FCHSD2: variants seen among roughly 807,000 people sequenced by gnomAD.
FCHSD2 encodes FCH and double SH3 domains 2.
In FCHSD2, 38 loss-of-function variants were observed where a neutral mutation model predicts 108.1. The ratio of observed to expected loss-of-function variants is 0.35; its 90% CI spans 0.27 to 0.46. The LOEUF (loss-of-function observed/expected upper bound fraction) is 0.46, where lower values mean the gene tolerates loss of function less well. Ranked by LOEUF, FCHSD2 falls within the 20% of genes least tolerant of loss-of-function variation. The pLI is 1.00. For synonymous variants in FCHSD2, 279 were observed against 314.7 expected (o/e 0.89, Z 1.20); for missense variants, 751 against 897.8 (o/e 0.84, Z 2.09).
At chr11:72,859,373 T>C (rs546777640) in intron 13 of FCHSD2, among the ~76,000 whole-genome samples, 6 of 152,342 alleles carry the variant, frequency 3.9e-5, no homozygotes, top group Admixed American at 3.9e-4. Context: ...GTTATCCCAA[T>C]TGACTGTCAC....
chr11:72,917,674 T>G (rs1855900782), intron 9 of FCHSD2, among the ~76,000 whole-genome samples: 1 of 152,174 alleles, frequency 6.6e-6, no homozygotes, highest in Non-Finnish European at 1.5e-5. Flanking sequence ...TCACTTGACG[T>G]CAGGAGTTCA....
Position 73,035,189 on chromosome 11 carries a change from TGTATGTATGTATGTAC to T in FCHSD2, c.166-19320_166-19305del, listed in dbSNP as rs753309940. 1.3e-3 allele frequency among the ~76,000 whole-genome samples: 180 copies of T among 142,288 alleles called. 1 individual carries two copies. The highest frequency in any genetic ancestry group is 2.4e-3 in the African/African-American group (92 of 38,466). The allele number at this position is 142,288 out of a possible 152,430, so 93.3% of individuals were successfully genotyped here. ...ATGTATGTATGTATGTATGTATGTA[TGTATGTATGTATGTAC>T]GTACTAAGACAAGGTCTCGCTCTGT... On this transcript the variant is annotated intron_variant, in intron 3 of 19. Coordinates refer to ENST00000409418, the MANE Select transcript of FCHSD2 (RefSeq NM_014824.3).
intron 5 of FCHSD2, among the ~76,000 whole-genome samples, chr11:72,996,977 G>A (rs1402951234): frequency 6.6e-6 from 1 of 152,180 alleles, no homozygotes; most frequent in East Asian, 1.9e-4. Flanking sequence ...ACGAGACTGG[G>A]GAGACAGAGG....
chr11:73,135,237 G>T (rs1861095269), intron 2 of FCHSD2, among the ~76,000 whole-genome samples: 1 of 152,178 alleles, frequency 6.6e-6, no homozygotes, highest in Non-Finnish European at 1.5e-5. Context: ...AAAAGCTTGG[G>T]AAACACAGAT....
rs1329779525 is a variant in FCHSD2, at chr11:73,099,172, G to A, written c.120-15432C>T. On this transcript the variant is annotated intron_variant, in intron 2 of 19. Coordinates refer to ENST00000409418, the MANE Select transcript of FCHSD2 (RefSeq NM_014824.3). Reference sequence around the variant, plus strand: ...CCAGGTTGCAGTAAGCTATGACTGTGCCACTGCACTCCAGCCTCAGCAATG... The same window carrying A: ...CCAGGTTGCAGTAAGCTATGACTGTACCACTGCACTCCAGCCTCAGCAATG... Among the ~76,000 whole-genome samples, 3 of 152,106 alleles carry A rather than the reference G, an allele frequency of 2.0e-5. 1 individual carries two copies. The highest frequency in any genetic ancestry group is 7.2e-5 in the African/African-American group (3 of 41,430).
At chr11:72,860,519 T>C (rs1027218269) in intron 13 of FCHSD2, among the ~76,000 whole-genome samples, 3 of 152,186 alleles carry the variant, frequency 2.0e-5, no homozygotes, top group African/African-American at 7.2e-5. Flanking sequence ...AACACACTTT[T>C]AATTACCCAT....
intron 2 of FCHSD2, among the ~76,000 whole-genome samples, chr11:73,124,192 T>C (rs1247132265): frequency 6.6e-6 from 1 of 152,006 alleles, no homozygotes; most frequent in Non-Finnish European, 1.5e-5. Context: ...TTCTCACTCA[T>C]GGATGGGAAT....
chr11:72,866,786 T>G (rs760363419), intron 13 of FCHSD2, among the ~76,000 whole-genome samples: 1 of 152,186 alleles, frequency 6.6e-6, no homozygotes, highest in Non-Finnish European at 1.5e-5. Flanking sequence ...TGTGAAAAAA[T>G]TGACAAAACT....
At chr11:72,889,143 A>T (rs1855261445) in intron 11 of FCHSD2, among the ~76,000 whole-genome samples, 1 of 151,684 alleles carries the variant, frequency 6.6e-6, no homozygotes, top group Non-Finnish European at 1.5e-5. Context: ...TTTAGTAGAG[A>T]TGGGGTTTCA....
chr11:73,094,124 T>A (rs897707935), intron 2 of FCHSD2, among the ~76,000 whole-genome samples: 6 of 151,818 alleles, frequency 4.0e-5, no homozygotes, highest in Non-Finnish European at 7.4e-5. Context: ...GGCAAGAGAA[T>A]CACTTGAACC....
At chr11:73,009,640 C>T (rs372996239) in intron 4 of FCHSD2, among the ~76,000 whole-genome samples, 138 of 152,076 alleles carry the variant, frequency 9.1e-4, no homozygotes, top group Middle Eastern at 3.4e-3. Context: ...ACTTCTCCTT[C>T]ATTTATGAAG....
chr11:73,001,221 A>C, intron 4 of FCHSD2, 87 bp from the exon 5 acceptor site: 4 of 1,079,672 alleles, frequency 3.7e-6, no homozygotes, highest in Non-Finnish European at 5.5e-6. Flanking sequence ...CAGCACTGAC[A>C]GAATAAATGA....
At position 72,984,069 on chromosome 11, in the gene FCHSD2, GA is replaced by G; in HGVS notation, c.705+18del. Reference sequence around the variant, plus strand: ...TTTTCAATGAAGTAAAATTACCATAGATATGAAAGCTGTATTACCTTCATAA... The same window carrying G: ...TTTTCAATGAAGTAAAATTACCATAGTATGAAAGCTGTATTACCTTCATAA... On this transcript the variant is annotated intron_variant, in intron 8 of 19. Transcript: ENST00000409418. The G allele has an allele frequency of 6.3e-7, 1 of 1,592,174 alleles. No homozygotes were observed. Among genetic ancestry groups the G allele is most frequent in the Non-Finnish European group, 8.6e-7 (1 of 1,165,116 alleles).
At chr11:72,979,519 CA>C (rs2135393600) in intron 8 of FCHSD2, among the ~76,000 whole-genome samples, 1 of 152,096 alleles carries the variant, frequency 6.6e-6, no homozygotes, top group South Asian at 2.1e-4. Context: ...AGATCAGATA[CA>C]AATAATCAAG....
At chr11:72,934,893 A>C (rs1856269711) in intron 8 of FCHSD2, among the ~76,000 whole-genome samples, 1 of 152,222 alleles carries the variant, frequency 6.6e-6, no homozygotes, top group Non-Finnish European at 1.5e-5. Flanking sequence ...ACCTTTGACC[A>C]GCAATATGTT....
At chr11:72,932,244 C>T (rs1856208410) in intron 8 of FCHSD2, among the ~76,000 whole-genome samples, 1 of 152,218 alleles carries the variant, frequency 6.6e-6, no homozygotes, top group Admixed American at 6.5e-5. Context: ...GCCATCCTGT[C>T]TCATCCAGAT....
intron 3 of FCHSD2, among the ~76,000 whole-genome samples, chr11:73,072,757 C>T (rs987196935): frequency 1.3e-5 from 2 of 152,128 alleles, no homozygotes; most frequent in African/African-American, 2.4e-5. Context: ...AAAGTAACCA[C>T]ACACCGCTAA....
At chr11:72,961,928 TG>T (rs1482561066) in intron 8 of FCHSD2, among the ~76,000 whole-genome samples, 1 of 152,188 alleles carries the variant, frequency 6.6e-6, no homozygotes, top group Admixed American at 6.6e-5. Context: ...AGAAAGCTCT[TG>T]GAGAAAAGAA....
chr11:73,115,442 C>G (rs1860581119), intron 2 of FCHSD2, among the ~76,000 whole-genome samples: 1 of 152,188 alleles, frequency 6.6e-6, no homozygotes, highest in African/African-American at 2.4e-5. Context: ...TGCTGTGAGC[C>G]ACTGCGCCCG....
Sources: gnomAD v4.1 joint callset for allele counts (sites outside exome capture counted in the v4.1 genomes callset) on GRCh38, gnomAD v4.1.1 for gene constraint, MANE v1.5 for transcripts, NCBI Gene and HGNC (gene_info 2026-07-23, HGNC 2026-07-21) for gene names.